The following PRPF8 variants were observed in gnomAD, a reference collection of about 807,000 sequenced individuals.
PRPF8 encodes pre-mRNA-processing-splicing factor 8.
PRPF8 carries 64 observed loss-of-function variants against 285.9 expected under a neutral mutation model. That is an observed-to-expected ratio of 0.22 (90% CI 0.18 to 0.28). PRPF8 has a LOEUF of 0.28. PRPF8 is among the 10% of genes least tolerant of loss of function. The probability of loss-of-function intolerance (pLI) is 1.00; values close to 1 mark genes in which losing one functional copy is unlikely to be tolerated. For synonymous variants in PRPF8, 1,325 were observed against 1,118.2 expected (o/e 1.18, Z -3.69); for missense variants, 1,426 against 3,026.7 (o/e 0.47, Z 12.41).
At chr17:1,660,148 A>G in intron 30 of PRPF8, 147 bp from the exon 31 acceptor site, 1 of 1,102,192 alleles carries the variant, frequency 9.1e-7, no homozygotes, top group Non-Finnish European at 1.4e-6. Context: ...AGCTGAGCTG[A>G]CTCTGTACAG....
chr17:1,662,094 C>G lies in PRPF8; in HGVS notation c.3834G>C (p.Val1278=), dbSNP rs1209346004. 2.5e-6 allele frequency: 4 copies of G among 1,614,076 alleles called. No individual in the cohort carries two copies. In the South Asian group the frequency reaches 3.3e-5, roughly 13 times the overall value. Residue 1278 remains valine (V), a synonymous_variant, in exon 25 of 43, where the codon GTG becomes GTC. Coordinates refer to ENST00000304992, the MANE Select transcript of PRPF8 (RefSeq NM_006445.4). ...AGTCCAAGAGCTCTTGGGTGTTCAC[C>G]ACAGCCTCCCGAAAGTATGTCATAA... ...IGLMTYFREA[V]VNTQELLDLL...
chr17:1,679,278 T>C lies in PRPF8; in HGVS notation c.1409+13A>G, dbSNP rs763003164. On this transcript the variant is annotated intron_variant, in intron 10 of 42. Transcript: ENST00000304992. The surrounding 1 kb of genome is among the most constrained non-coding windows in gnomAD (Gnocchi z 4.7). ...GGAACAGAAGTCTGCGCAGGGCCCCTGGGGCACCTTACCTCTTCTTTTGAG... is the reference window on the plus strand; with the variant it reads ...GGAACAGAAGTCTGCGCAGGGCCCCCGGGGCACCTTACCTCTTCTTTTGAG... 74 of 1,614,032 alleles carry C rather than the reference T, an allele frequency of 4.6e-5. No homozygotes were observed. The highest frequency in any genetic ancestry group is 3.2e-4 in the Admixed American group (19 of 59,998).
intron 39 of PRPF8, chr17:1,652,177 G>T: frequency 2.8e-6 from 1 of 359,704 alleles, no homozygotes; most frequent in South Asian, 2.3e-5. Context: ...AAGAGGATCT[G>T]TTTACTATAA....
rs62088055 is a variant in PRPF8, at chr17:1,658,186, A to G, written c.5505+67T>C. 0.034 allele frequency: 55,020 copies of G among 1,609,428 alleles called. 1,073 individuals carry two copies. Among genetic ancestry groups the G allele is most frequent in the Middle Eastern group, 0.047 (235 of 4,982 alleles). On this transcript the variant is annotated intron_variant, in intron 34 of 42. Coordinates refer to ENST00000304992, the MANE Select transcript of PRPF8 (RefSeq NM_006445.4). This position sits in a 1 kb window ranked among gnomAD's most constrained non-coding sequence, Gnocchi z 4.1. ...TTCATCTAATAAACCAGTAAATATT[A>G]CCAAGTCCACCCCAAGAATAAGAGG...
At position 1,653,245 on chromosome 17, in the gene PRPF8, T is replaced by C. The variant is rs955310797; in HGVS notation, c.6369+297A>G. 16 of 529,834 alleles carry C rather than the reference T, an allele frequency of 3.0e-5. No individual in the cohort carries two copies. Among genetic ancestry groups the C allele is most frequent in the Non-Finnish European group, 5.1e-5 (15 of 292,168 alleles). The allele number at this position is 529,834 out of a possible 1,614,324, so 32.8% of individuals were successfully genotyped here. A position where few individuals can be genotyped will look rare whatever the true frequency, so the allele number is the denominator to read the frequency against. On this transcript the variant is annotated intron_variant, in intron 39 of 42. Coordinates refer to ENST00000304992, the MANE Select transcript of PRPF8 (RefSeq NM_006445.4). This position sits in a 1 kb window ranked among gnomAD's most constrained non-coding sequence, Gnocchi z 4.9. Reference sequence around the variant, plus strand: ...ATTAGCCACTGTGCCCAGCCGAGTGTTGGGATTACAGGCATGAGCCAGCAC... The same window carrying C: ...ATTAGCCACTGTGCCCAGCCGAGTGCTGGGATTACAGGCATGAGCCAGCAC...
rs1436836921 is a variant in PRPF8, at chr17:1,671,670, T to A, written c.3774+1411A>T. ...TTCGAGACCATCCTGGCTAACACGG[T>A]GAAACCCCTTCTCTACCAAAAATAC... On this transcript the variant is annotated intron_variant, in intron 24 of 42. Transcript: ENST00000304992. Among the ~76,000 whole-genome samples, 3 of 151,556 alleles carry A rather than the reference T, an allele frequency of 2.0e-5. No homozygotes were observed. In the East Asian group the frequency reaches 5.8e-4, roughly 29 times the overall value.
chr17:1,678,980 T>C (rs1567690390), intron 11 of PRPF8, 37 bp downstream of exon 11: 2 of 1,613,832 alleles, frequency 1.2e-6, no homozygotes. Context: ...TGTCCGTCCT[T>C]GAAGCCCAGG....
At chr17:1,655,028 G>T (rs1444025672) in intron 37 of PRPF8, 4 of 336,072 alleles carry the variant, frequency 1.2e-5, no homozygotes, top group Admixed American at 7.9e-5. Flanking sequence ...GCATGATCTC[G>T]GCTCACTGCA....
In PRPF8 at chr17:1,658,117, C is replaced by T. The variant is rs1911493349; in HGVS notation, c.5505+136G>A. 2 of 1,333,088 alleles carry T rather than the reference C, an allele frequency of 1.5e-6. No homozygotes were observed. The highest frequency in any genetic ancestry group is 2.1e-6 in the Non-Finnish European group (2 of 950,684). 82.6% of individuals were successfully genotyped at this position (1,333,088 alleles called of 1,614,324 possible). On this transcript the variant is annotated intron_variant, in intron 34 of 42. Transcript: ENST00000304992. This position sits in a 1 kb window ranked among gnomAD's most constrained non-coding sequence, Gnocchi z 4.1. Reference sequence around the variant, plus strand: ...TCTTGGACCTCCCACAGAATACTTCCCAAGGTATTTTGGGGATAAGTTCAA... The same window carrying T: ...TCTTGGACCTCCCACAGAATACTTCTCAAGGTATTTTGGGGATAAGTTCAA...
chr17:1,674,466 A>G lies in PRPF8; in HGVS notation c.3275T>C (p.Ile1092Thr). The G allele has an allele frequency of 6.2e-7, 1 of 1,614,126 alleles. No homozygotes were observed. Among genetic ancestry groups the G allele is most frequent in the Non-Finnish European group, 8.5e-7 (1 of 1,180,012 alleles). Residue 1092 changes from isoleucine (I) to threonine (T), a missense_variant, in exon 21 of 43, where the codon ATT becomes ACT. Around this residue, in one of 34 missense-constraint regions of PRPF8, gnomAD observed 148 missense variants for 196.2 expected, o/e 0.75. Transcript: ENST00000304992. ...AHPIRLFCRYIDRIHIFFRFT... is the reference protein window; with the variant it reads ...AHPIRLFCRYTDRIHIFFRFT... Reference sequence around the variant, plus strand: ...CCTGAAAAAAATATGGATGCGATCAATGTATCTGCAGAAGAGACGGATGGG... The same window carrying G: ...CCTGAAAAAAATATGGATGCGATCAGTGTATCTGCAGAAGAGACGGATGGG...
chr17:1,668,262 T>C (rs1402785758), intron 24 of PRPF8, among the ~76,000 whole-genome samples: 1 of 152,074 alleles, frequency 6.6e-6, no homozygotes, highest in Non-Finnish European at 1.5e-5. Flanking sequence ...TGATATCCAG[T>C]TCCCTGATGC....
Position 1,675,320 on chromosome 17 carries a change from G to A in PRPF8, c.2892C>T (p.Asp964=), listed in dbSNP as rs1292462982. 1.4e-5 allele frequency: 22 copies of A among 1,613,980 alleles called. No homozygotes were observed. The highest frequency in any genetic ancestry group is 2.2e-5 in the South Asian group (2 of 91,078). The part of the protein sequence containing the change: ...KWCQGINNLQ[D]VWETSEGECN... ...ACTCGCCTTCACTCGTCTCCCACACGTCCTGCAGGTTATTGATGCCTGAGG... is the reference window on the plus strand; with the variant it reads ...ACTCGCCTTCACTCGTCTCCCACACATCCTGCAGGTTATTGATGCCTGAGG... The change falls in exon 20 of 43, where the codon GAC becomes GAT. Residue 964 remains aspartate, a synonymous_variant. Coordinates refer to ENST00000304992, the MANE Select transcript of PRPF8 (RefSeq NM_006445.4). The surrounding 1 kb of genome is among the most constrained non-coding windows in gnomAD (Gnocchi z 6.0).
At position 1,661,769 on chromosome 17, in the gene PRPF8, T is replaced by A; in HGVS notation, c.4044A>T (p.Val1348=). ...SDLRWSKQTD[V]GITHFRSGMS... is the part of the protein sequence containing the mutation. ...TTCCTGAACGAAAGTGTGTGATACC[T>A]ACATCTGTCTGTTTGGACCACCTGT... Residue 1348 remains valine, a synonymous_variant, in exon 26 of 43, where the codon GTA becomes GTT. Coordinates refer to ENST00000304992, the MANE Select transcript of PRPF8 (RefSeq NM_006445.4). The surrounding 1 kb of genome is among the most constrained non-coding windows in gnomAD (Gnocchi z 7.3). The A allele has an allele frequency of 1.2e-6, 2 of 1,614,210 alleles. No individual in the cohort carries two copies. Among genetic ancestry groups the A allele is most frequent in the Non-Finnish European group, 1.7e-6 (2 of 1,180,050 alleles).
chr17:1,660,106 TC>T, intron 30 of PRPF8, 105 bp from the exon 31 acceptor site: 1 of 1,356,348 alleles, frequency 7.4e-7, no homozygotes, highest in Non-Finnish European at 1.0e-6. Flanking sequence ...CCTCAGAGCT[TC>T]CAGGGTGGAT....
At chr17:1,674,004 C>A in intron 21 of PRPF8, 112 bp from the exon 22 acceptor site, 4 of 1,175,414 alleles carry the variant, frequency 3.4e-6, no homozygotes, top group Non-Finnish European at 4.9e-6. Flanking sequence ...CCCACCCTCC[C>A]CGGGCTTCAT....
intron 1 of PRPF8, 88 bp downstream of exon 1, chr17:1,684,692 T>A: frequency 9.9e-7 from 1 of 1,011,034 alleles, no homozygotes; most frequent in Non-Finnish European, 1.5e-6. Flanking sequence ...ACACAGTGCA[T>A]CCAGCCCCGC....
chr17:1,677,544 G>A (rs768289814), intron 14 of PRPF8, 21 bp downstream of exon 14: 2 of 1,613,922 alleles, frequency 1.2e-6, no homozygotes, highest in Non-Finnish European at 1.7e-6. Context: ...GGAGAAGTTG[G>A]ACACAGAGAA....
chr17:1,654,410 G>A (rs1911241666), intron 37 of PRPF8: 9 of 371,950 alleles, frequency 2.4e-5, no homozygotes, highest in South Asian at 2.0e-4. Context: ...AGGGAGACGA[G>A]GGGAGGAAGG....
intron 34 of PRPF8, among the ~76,000 whole-genome samples, chr17:1,657,506 C>T (rs1372047074): frequency 2.0e-5 from 3 of 151,416 alleles, no homozygotes; most frequent in East Asian, 1.9e-4. Context: ...TTTAGCCGGG[C>T]GTGGTGGCGG....
Sources: allele counts gnomAD v4.1 joint callset (sites outside exome capture counted in the v4.1 genomes callset), GRCh38; gene constraint gnomAD v4.1.1; regional missense constraint gnomAD v4.1.1; non-coding constraint Gnocchi (gnomAD v3.1); transcripts MANE v1.5; gene names NCBI Gene and HGNC (gene_info 2026-07-23, HGNC 2026-07-21).